The following NR3C1 variants were observed in gnomAD, a reference collection of about 807,000 sequenced individuals.
NR3C1 encodes nuclear receptor subfamily 3 group C member 1.
A neutral mutation model predicts 74.0 loss-of-function variants in NR3C1; 14 were observed. The observed-to-expected ratio is 0.19, with a 90% CI of 0.12 to 0.30. The LOEUF (loss-of-function observed/expected upper bound fraction) is 0.30. NR3C1 is among the 10% of genes least tolerant of loss of function. NR3C1 has a pLI of 1.00. For synonymous variants in NR3C1, 308 were observed against 332.5 expected, an observed-to-expected ratio of 0.93 and a Z score of 0.80; for missense variants, 695 against 909.8, an observed-to-expected ratio of 0.76 and a Z score of 3.04.
chr5:143,374,264 G>A (rs374574577), intron 2 of NR3C1, among the ~76,000 whole-genome samples: 16 of 152,060 alleles, frequency 1.1e-4, no homozygotes, highest in Non-Finnish European at 2.2e-4. Flanking sequence ...AGGCCGAGGC[G>A]GGTGGATCAC....
Position 143,295,603 on chromosome 5 carries a change from A to T in NR3C1, c.1893-13T>A, listed in dbSNP as rs779999999. 1.2e-6 allele frequency: 2 copies of T among 1,605,788 alleles called. No homozygotes were observed. Among genetic ancestry groups the T allele is most frequent in the Admixed American group, 1.7e-5 (1 of 59,966 alleles). On this transcript the variant is annotated splice_polypyrimidine_tract_variant and intron_variant, in intron 6 of 8. Transcript: ENST00000394464. ...AGTCATTCTCTGCCTGTGAAAGATA[A>T]ATAGCAGGGTATTAGTTAGAAATAC...
chr5:143,290,502 T>TTAAA (rs1463592810), intron 7 of NR3C1, among the ~76,000 whole-genome samples: 1 of 152,230 alleles, frequency 6.6e-6, no homozygotes, highest in Non-Finnish European at 1.5e-5. Context: ...ATAGCTTTTT[T>TTAAA]TAAATAGCAT....
Position 143,402,746 on chromosome 5 carries a change from C to G in NR3C1, c.-14+465G>C, listed in dbSNP as rs1320857757. 4.1e-6 allele frequency: 4 copies of G among 985,364 alleles called. No homozygotes were observed. In the East Asian group the frequency reaches 4.5e-4, roughly 112 times the overall value. 61.0% of individuals were successfully genotyped at this position (985,364 alleles called of 1,614,324 possible). On this transcript the variant is annotated intron_variant, in intron 1 of 8. Transcript: ENST00000394464. ...TCCTCAAGCCAGGCGCCGCCGGGGC[C>G]TCCCCGGAGCCCGGGCTCGCGCTCG...
At chr5:143,376,472 T>C (rs566108229) in intron 2 of NR3C1, among the ~76,000 whole-genome samples, 48 of 152,362 alleles carry the variant, frequency 3.2e-4, no homozygotes, top group African/African-American at 1.1e-3. Flanking sequence ...AAGCTCATGA[T>C]AGACCTCAGG....
intron 2 of NR3C1, among the ~76,000 whole-genome samples, chr5:143,341,569 A>T (rs1828232413): frequency 6.6e-6 from 1 of 152,248 alleles, no homozygotes; most frequent in African/African-American, 2.4e-5. Context: ...AAACACAAGA[A>T]GAGAAGTCTT....
chr5:143,300,700 G>C lies in NR3C1; in HGVS notation c.1532C>G (p.Thr511Ser). The change falls in exon 5 of 9, where the codon ACC (threonine) becomes AGC (serine). Residue 511 changes from threonine (T) to serine (S), a missense_variant. Around this residue, in one of 4 missense-constraint regions of NR3C1, gnomAD observed 42 missense variants for 49.3 expected, o/e 0.85. Coordinates refer to ENST00000394464, the MANE Select transcript of NR3C1 (RefSeq NM_000176.3). This position sits in a 1 kb window ranked among gnomAD's most constrained non-coding sequence, Gnocchi z 5.2. The stretch of plus-strand genomic sequence containing the variant: ...TGTTTTGTTACCAGGATTTTCAGAG[G>C]TTTCTTGTGAGACTCCTGTAGTGGC... Reference protein sequence around the residue: ...QQATTGVSQETSENPGNKTIV... With the variant: ...QQATTGVSQESSENPGNKTIV... 3.1e-6 allele frequency: 5 copies of C among 1,614,088 alleles called. No individual in the cohort carries two copies. Among genetic ancestry groups the C allele is most frequent in the Non-Finnish European group, 4.2e-6 (5 of 1,179,984 alleles).
chr5:143,392,232 T>TG (rs1838375162), intron 2 of NR3C1, among the ~76,000 whole-genome samples: 1 of 152,218 alleles, frequency 6.6e-6, no homozygotes, highest in South Asian at 2.1e-4. Context: ...CCCAAAGTGC[T>TG]GGGATTACAG....
At chr5:143,356,918 A>AT (rs1831254109) in intron 2 of NR3C1, among the ~76,000 whole-genome samples, 1 of 152,228 alleles carries the variant, frequency 6.6e-6, no homozygotes, top group South Asian at 2.1e-4. Flanking sequence ...TAGGTGCAAG[A>AT]TTTAAGTTAG....
At chr5:143,386,021 T>C (rs927007769) in intron 2 of NR3C1, among the ~76,000 whole-genome samples, 5 of 152,186 alleles carry the variant, frequency 3.3e-5, no homozygotes, top group Non-Finnish European at 2.9e-5. Context: ...TTCCACAGGC[T>C]TAACAGGAAG....
chr5:143,405,932 C>G (rs1308444663), upstream of NR3C1, among the ~76,000 whole-genome samples: 1 of 152,102 alleles, frequency 6.6e-6, no homozygotes, highest in Non-Finnish European at 1.5e-5. Flanking sequence ...AATGAGATGT[C>G]TTTCGTTAAT....
chr5:143,360,256 C>T (rs1315112812), intron 2 of NR3C1, among the ~76,000 whole-genome samples: 4 of 152,152 alleles, frequency 2.6e-5, no homozygotes, highest in Non-Finnish European at 5.9e-5. Flanking sequence ...TGCATGAGTT[C>T]CACTCTACTA....
chr5:143,384,167 T>A (rs1223200901), intron 2 of NR3C1, among the ~76,000 whole-genome samples: 2 of 152,042 alleles, frequency 1.3e-5, no homozygotes, highest in African/African-American at 4.8e-5. Context: ...AACAACCAGG[T>A]CTCATGAGAA....
intron 2 of NR3C1, among the ~76,000 whole-genome samples, chr5:143,364,633 G>A (rs975829561): frequency 3.9e-5 from 6 of 152,180 alleles, no homozygotes; most frequent in Admixed American, 3.9e-4. Flanking sequence ...CAGAGTGGAA[G>A]CAGAAGAGGT....
rs72481840 is a variant in NR3C1, at chr5:143,310,293, C to T, written c.1352-80G>A. 1.1e-4 allele frequency: 115 copies of T among 1,020,294 alleles called. No individual in the cohort carries two copies. The Middle Eastern group carries it at 1.2e-3, about 10-fold the overall frequency. The allele number at this position is 1,020,294 out of a possible 1,614,324, so 63.2% of individuals were successfully genotyped here. Reference sequence around the variant, plus strand: ...TAAGGACAGCCTCTGTCTTTGTTTCCGGTGGAATATAACCAAGACACCCAC... The same window carrying T: ...TAAGGACAGCCTCTGTCTTTGTTTCTGGTGGAATATAACCAAGACACCCAC... On this transcript the variant is annotated intron_variant, in intron 3 of 8. Coordinates refer to ENST00000394464, the MANE Select transcript of NR3C1 (RefSeq NM_000176.3).
intron 2 of NR3C1, among the ~76,000 whole-genome samples, chr5:143,324,676 T>C (rs1183396822): frequency 6.6e-6 from 1 of 152,240 alleles, no homozygotes; most frequent in Non-Finnish European, 1.5e-5. Flanking sequence ...AATGGGTTTC[T>C]CTTTTCAACT....
upstream of NR3C1, chr5:143,407,290 A>G (rs536732302): frequency 2.6e-4 from 40 of 152,342 alleles, no homozygotes; most frequent in Admixed American, 2.6e-3. Flanking sequence ...TTACTGGGTT[A>G]TTGTTGTGGC....
In NR3C1 at chr5:143,403,542, G is replaced by A; in HGVS notation, c.-345C>T. On this transcript the variant is annotated 5_prime_UTR_variant, in exon 1 of 9. Transcript: ENST00000394464. ...CACCCACAGAATCCGTCCCCGACGG[G>A]CAGGCGGTGACTCGGGCTCCCGTCA... 1 of 985,732 alleles carries A rather than the reference G, an allele frequency of 1.0e-6. No individual in the cohort carries two copies. 61.1% of individuals were successfully genotyped at this position (985,732 alleles called of 1,614,324 possible). A position where few individuals can be genotyped will look rare whatever the true frequency, so the allele number is the denominator to read the frequency against.
At chr5:143,376,654 T>C (rs542657030) in intron 2 of NR3C1, among the ~76,000 whole-genome samples, 2 of 152,214 alleles carry the variant, frequency 1.3e-5, no homozygotes, top group Non-Finnish European at 2.9e-5. Flanking sequence ...GCAGTGGTTC[T>C]AAATGTAGGT....
At chr5:143,335,732 A>C (rs1399753217) in intron 2 of NR3C1, among the ~76,000 whole-genome samples, 1 of 152,242 alleles carries the variant, frequency 6.6e-6, no homozygotes, top group Admixed American at 6.5e-5. Context: ...ATGATTCTTT[A>C]GTAGTTGTAA....
Sources: gnomAD v4.1 joint callset for allele counts (sites outside exome capture counted in the v4.1 genomes callset) on GRCh38, gnomAD v4.1.1 for gene constraint, gnomAD v4.1.1 regional missense constraint, Gnocchi (gnomAD v3.1) non-coding constraint, MANE v1.5 for transcripts, NCBI Gene and HGNC (gene_info 2026-07-23, HGNC 2026-07-21) for gene names.